Variants in UBE2U observed in about 807,000 individuals in gnomAD.
UBE2U encodes the protein ubiquitin conjugating enzyme E2 U.
UBE2U carries 39 observed loss-of-function variants against 41.2 expected under a neutral mutation model. The observed-to-expected ratio is 0.95, with a 90% CI of 0.73 to 1.24. The LOEUF is 1.24. Among genes scored for constraint, UBE2U ranks in the 50% most tolerant of loss-of-function variants. The pLI is 0.00. For missense variants in UBE2U, 336 were observed against 363.1 expected (o/e 0.93, Z 0.61); for synonymous variants, 107 against 117.8 (o/e 0.91, Z 0.60).
rs1035493641 is a variant in UBE2U, at chr1:64,218,309, T to C, written c.458-2550T>C. ...ACAGCAGGGTAGAGTGTGGATCTAT[T>C]TGCTCGAGTTACGTACCTCTTTTTT... On this transcript the variant is annotated intron_variant, in intron 5 of 9. Transcript: ENST00000371077. Among the ~76,000 whole-genome samples, 3 of 152,150 alleles carry C rather than the reference T, an allele frequency of 2.0e-5. No individual in the cohort carries two copies. The South Asian group carries it at 6.2e-4, about 32-fold the overall frequency.
chr1:64,203,996 C>T lies in UBE2U; in HGVS notation c.-55C>T. On this transcript the variant is annotated 5_prime_UTR_variant, in exon 1 of 10. Coordinates refer to ENST00000371077, the MANE Select transcript of UBE2U (RefSeq NM_001366232.2). ...GTGACCCATAACTTCAAACATCTGC[C>T]TCAGAGTAAACCTGAGGCATTTGGG... The T allele has an allele frequency of 6.4e-7, 1 of 1,553,856 alleles. No homozygotes were observed. Among genetic ancestry groups the T allele is most frequent in the Non-Finnish European group, 8.8e-7 (1 of 1,134,048 alleles).
At chr1:64,235,844 A>G (rs184563166) in intron 7 of UBE2U, among the ~76,000 whole-genome samples, 51 of 152,238 alleles carry the variant, frequency 3.4e-4, no homozygotes, top group Non-Finnish European at 7.1e-4. Context: ...CTTTTATTCA[A>G]TTATTCAACC....
chr1:64,236,958 T>C (rs1008956302), intron 7 of UBE2U, among the ~76,000 whole-genome samples: 49 of 152,066 alleles, frequency 3.2e-4, no homozygotes, highest in African/African-American at 1.2e-3. Flanking sequence ...AGTAGTAGTT[T>C]TTAAAGCTCC....
At chr1:64,214,449 G>A (rs1412498331) in intron 4 of UBE2U, among the ~76,000 whole-genome samples, 2 of 152,148 alleles carry the variant, frequency 1.3e-5, no homozygotes, top group Admixed American at 6.5e-5. Context: ...TTATTCAAGG[G>A]AAGTGTACTT....
At chr1:64,250,204 A>C (rs1324410166) in intron 8 of UBE2U, among the ~76,000 whole-genome samples, 1 of 152,172 alleles carries the variant, frequency 6.6e-6, no homozygotes, top group Non-Finnish European at 1.5e-5. Context: ...TAAAATAAAA[A>C]CGTTTTTTGA....
At chr1:64,218,474 G>A (rs183139946) in intron 5 of UBE2U, among the ~76,000 whole-genome samples, 14 of 152,210 alleles carry the variant, frequency 9.2e-5, no homozygotes, top group Admixed American at 5.2e-4. Flanking sequence ...CAAATAATAG[G>A]AATCAGTTTT....
At position 64,260,712 on chromosome 1, in the gene UBE2U, A is replaced by C. The variant is rs1645168008; in HGVS notation, c.769+18A>C. ...AACTCTAAGTAAATCGATTCACTCT[A>C]TTTGTTTTGCTTTTATAAATAACAT... On this transcript the variant is annotated intron_variant, in intron 9 of 9. Coordinates refer to ENST00000371077, the MANE Select transcript of UBE2U (RefSeq NM_001366232.2). The C allele has an allele frequency of 6.5e-7, 1 of 1,537,576 alleles. No homozygotes were observed. Among genetic ancestry groups the C allele is most frequent in the African/African-American group, 1.4e-5 (1 of 72,646 alleles).
intron 7 of UBE2U, among the ~76,000 whole-genome samples, chr1:64,236,782 G>A (rs1405306151): frequency 1.3e-5 from 2 of 152,272 alleles, no homozygotes; most frequent in South Asian, 2.1e-4. Flanking sequence ...AAGGGCAAGT[G>A]TCTCCAAAAC....
At chr1:64,239,127 A>AAGGAGAAGGAGAAGG (rs1557730225) in intron 7 of UBE2U, among the ~76,000 whole-genome samples, 5 of 21,982 alleles carry the variant, frequency 2.3e-4, no homozygotes, top group African/African-American at 1.1e-3. Flanking sequence ...GAAGAAGAAG[A>AAGGAGAAGGAGAAGG]AGAAGAAGAA....
At chr1:64,228,835 C>T (rs1485724939) in intron 6 of UBE2U, among the ~76,000 whole-genome samples, 9 of 148,754 alleles carry the variant, frequency 6.1e-5, no homozygotes, top group East Asian at 2.0e-4. Context: ...ATTACAGGCA[C>T]GTGCCACCTT....
intron 6 of UBE2U, among the ~76,000 whole-genome samples, chr1:64,227,078 C>G (rs755439201): frequency 6.6e-6 from 1 of 152,172 alleles, no homozygotes; most frequent in Non-Finnish European, 1.5e-5. Context: ...ATTTAACACC[C>G]ATTCATGATA....
At chr1:64,234,493 A>T (rs116802343) in intron 7 of UBE2U, among the ~76,000 whole-genome samples, 251 of 152,328 alleles carry the variant, frequency 1.6e-3, no homozygotes, top group African/African-American at 5.7e-3. Flanking sequence ...GAAAAATAGT[A>T]TCAAGTTTTA....
chr1:64,262,090 T>TA (rs1415276126), intron 9 of UBE2U, among the ~76,000 whole-genome samples: 2 of 152,100 alleles, frequency 1.3e-5, no homozygotes, highest in African/African-American at 2.4e-5. Context: ...CCTCATTTCA[T>TA]AAAAAAATTT....
intron 8 of UBE2U, among the ~76,000 whole-genome samples, chr1:64,242,197 A>G (rs952611945): frequency 1.1e-4 from 16 of 152,210 alleles, no homozygotes; most frequent in South Asian, 6.2e-4. Context: ...AGAAGGATAT[A>G]GTAAAATACA....
chr1:64,260,203 T>G (rs1051243732), intron 8 of UBE2U, among the ~76,000 whole-genome samples: 1 of 152,150 alleles, frequency 6.6e-6, no homozygotes, highest in Non-Finnish European at 1.5e-5. Flanking sequence ...GCTGCCACCT[T>G]GATCCCCAAC....
At chr1:64,214,447 G>A (rs1569970587) in intron 4 of UBE2U, among the ~76,000 whole-genome samples, 1 of 152,064 alleles carries the variant, frequency 6.6e-6, no homozygotes, top group East Asian at 1.9e-4. Flanking sequence ...TGTTATTCAA[G>A]GGAAGTGTAC....
chr1:64,239,144 G>T (rs1360981213), intron 7 of UBE2U, among the ~76,000 whole-genome samples: 1 of 27,826 alleles, frequency 3.6e-5, no homozygotes. Flanking sequence ...AGAAGAAGAA[G>T]AAGAAGAAGA....
intron 9 of UBE2U, among the ~76,000 whole-genome samples, chr1:64,262,132 C>T (rs1645188307): frequency 6.6e-6 from 1 of 152,194 alleles, no homozygotes; most frequent in South Asian, 2.1e-4. Flanking sequence ...CATACCCCTA[C>T]TCTAAATGCT....
intron 8 of UBE2U, among the ~76,000 whole-genome samples, chr1:64,257,746 A>C (rs1220161350): frequency 6.6e-6 from 1 of 152,180 alleles, no homozygotes; most frequent in Non-Finnish European, 1.5e-5. Context: ...AAACCTGCAC[A>C]TCTTGTACAT....
Sources: allele counts gnomAD v4.1 joint callset (sites outside exome capture counted in the v4.1 genomes callset), GRCh38; gene constraint gnomAD v4.1.1; transcripts MANE v1.5; gene names NCBI Gene and HGNC (gene_info 2026-07-23, HGNC 2026-07-21).